DLGAP1: variants seen among roughly 807,000 people sequenced by gnomAD.
DLGAP1 encodes the protein disks large-associated protein 1.
Under a neutral mutation model 90.8 loss-of-function variants are expected in DLGAP1, and 11 were observed. That is an observed-to-expected ratio of 0.12 (90% CI 0.08 to 0.20). DLGAP1 has a LOEUF of 0.20. Ranked by LOEUF, DLGAP1 falls within the 10% of genes least tolerant of loss-of-function variation. The pLI is 1.00. For synonymous variants in DLGAP1, 558 were observed against 540.7 expected (o/e 1.03, Z -0.44); for missense variants, 1,050 against 1,333.8 (o/e 0.79, Z 3.31).
chr18:3,621,407 C>T (rs552009687), intron 7 of DLGAP1, among the ~76,000 whole-genome samples: 2 of 152,246 alleles, frequency 1.3e-5, no homozygotes, highest in African/African-American at 4.8e-5. Flanking sequence ...TCAAGTTTAG[C>T]CTAAAGTGGC....
At chr18:4,255,451 T>A (rs1290746971) in intron 1 of DLGAP1, among the ~76,000 whole-genome samples, 1 of 151,334 alleles carries the variant, frequency 6.6e-6, no homozygotes, top group Non-Finnish European at 1.5e-5. Context: ...ACTCTATGTA[T>A]ATACAGCCAA....
intron 3 of DLGAP1, among the ~76,000 whole-genome samples, chr18:3,901,839 A>C (rs1016618231): frequency 1.3e-5 from 2 of 152,204 alleles, no homozygotes; most frequent in African/African-American, 4.8e-5. Context: ...ATAATTCCCA[A>C]GTGAAAATGA....
At chr18:3,876,592 A>T (rs2071011330) in intron 4 of DLGAP1, among the ~76,000 whole-genome samples, 1 of 152,234 alleles carries the variant, frequency 6.6e-6, no homozygotes, top group Admixed American at 6.5e-5. Flanking sequence ...CTTTGGTGTC[A>T]AAGACAGATG....
In DLGAP1 at chr18:3,938,446, C is replaced by T. The variant is rs149518970; in HGVS notation, c.-72-58306G>A. ...GAGACTTAGATGTATGAGAGTGCGA[C>T]GCATGTAGAAATCTGGGAAAGGGCA... is the stretch of plus-strand genomic sequence containing the variant. On this transcript the variant is annotated intron_variant, in intron 3 of 12. Coordinates refer to ENST00000315677, the MANE Select transcript of DLGAP1 (RefSeq NM_004746.4). 5.6e-4 allele frequency among the ~76,000 whole-genome samples: 85 copies of T among 152,144 alleles called. No homozygotes were observed. The East Asian group carries it at 5.6e-3, about 10-fold the overall frequency.
chr18:4,144,285 C>G (rs562243752), intron 2 of DLGAP1, among the ~76,000 whole-genome samples: 3 of 152,300 alleles, frequency 2.0e-5, no homozygotes, highest in Admixed American at 2.0e-4. Context: ...AGAGTTCTGA[C>G]TGCTGGGACA....
At position 4,451,896 on chromosome 18, in the gene DLGAP1, A is replaced by C. The variant is rs563373787; in HGVS notation, c.-267+3110T>G. Among the ~76,000 whole-genome samples, 8 of 152,332 alleles carry C rather than the reference A, an allele frequency of 5.3e-5. No homozygotes were observed. The South Asian group carries it at 1.0e-3, about 20-fold the overall frequency. ...CAACATACCACAGACATAGGCATAGATTATAACTATGAGAAGTGAGGATTG... is the reference window on the plus strand; with the variant it reads ...CAACATACCACAGACATAGGCATAGCTTATAACTATGAGAAGTGAGGATTG... On this transcript the variant is annotated intron_variant, in intron 1 of 12. Transcript: ENST00000315677.
At chr18:3,924,523 T>C (rs11081075) in intron 3 of DLGAP1, among the ~76,000 whole-genome samples, 35,636 of 152,128 alleles carry the variant, frequency 0.23, 5,048 homozygotes, top group East Asian at 0.44. Context: ...ATCTCAAGTT[T>C]TGGGGGAAAA....
At chr18:4,393,889 C>T (rs143018851) in intron 1 of DLGAP1, among the ~76,000 whole-genome samples, 11 of 152,298 alleles carry the variant, frequency 7.2e-5, no homozygotes, top group African/African-American at 2.4e-4. Context: ...AGGGTTTGCG[C>T]TCCTGTGAGA....
chr18:3,936,742 C>T (rs1034933210), intron 3 of DLGAP1, among the ~76,000 whole-genome samples: 1 of 152,188 alleles, frequency 6.6e-6, no homozygotes, highest in South Asian at 2.1e-4. Context: ...AAAGGTTCCT[C>T]CAGTACCTCA....
chr18:3,659,470 T>A (rs1031874563), intron 7 of DLGAP1, among the ~76,000 whole-genome samples: 1 of 105,304 alleles, frequency 9.5e-6, no homozygotes, highest in African/African-American at 4.8e-5. Flanking sequence ...CACCCCCGGT[T>A]TCTTTTTCAT....
At chr18:3,926,490 TATATAA>T (rs1362324987) in intron 3 of DLGAP1, among the ~76,000 whole-genome samples, 10 of 101,672 alleles carry the variant, frequency 9.8e-5, no homozygotes, top group Admixed American at 2.0e-4. Context: ...TATTTATATG[TATATAA>T]ATATATATGC....
At chr18:4,111,365 G>A (rs1001672490) in intron 2 of DLGAP1, among the ~76,000 whole-genome samples, 2 of 152,034 alleles carry the variant, frequency 1.3e-5, no homozygotes, top group East Asian at 3.9e-4. Flanking sequence ...TTAGTCTGCA[G>A]AGTTTTGTTG....
chr18:4,364,686 G>A (rs2081720376), intron 1 of DLGAP1, among the ~76,000 whole-genome samples: 2 of 152,010 alleles, frequency 1.3e-5, no homozygotes, highest in Admixed American at 6.6e-5. Flanking sequence ...GTTACTTCAT[G>A]TCTTCTGCTA....
intron 1 of DLGAP1, among the ~76,000 whole-genome samples, chr18:4,191,018 A>T (rs887638670): frequency 3.3e-5 from 5 of 152,152 alleles, no homozygotes; most frequent in African/African-American, 1.2e-4. Flanking sequence ...TTAATTTAGA[A>T]AGAGAAAGTA....
At chr18:3,958,370 G>A (rs991124617) in intron 3 of DLGAP1, among the ~76,000 whole-genome samples, 1 of 151,494 alleles carries the variant, frequency 6.6e-6, no homozygotes, top group South Asian at 2.1e-4. Context: ...GCATGATAAG[G>A]AGGTAGAAGA....
At chr18:3,888,405 T>C (rs1335796793) in intron 3 of DLGAP1, among the ~76,000 whole-genome samples, 1 of 152,228 alleles carries the variant, frequency 6.6e-6, no homozygotes, top group South Asian at 2.1e-4. Context: ...ATTTTATAGA[T>C]GCAGAATGTA....
chr18:4,272,729 TTGTA>T (rs1481613091), intron 1 of DLGAP1, among the ~76,000 whole-genome samples: 1 of 152,208 alleles, frequency 6.6e-6, no homozygotes, highest in Non-Finnish European at 1.5e-5. Context: ...GTGGCCTACA[TTGTA>T]TGCCCTCAAA....
intron 3 of DLGAP1, among the ~76,000 whole-genome samples, chr18:3,891,293 A>G (rs1334367453): frequency 6.6e-6 from 1 of 152,104 alleles, no homozygotes; most frequent in East Asian, 1.9e-4. Context: ...TAGCCCCCTC[A>G]GGTCCCTTGC....
chr18:3,533,128 C>T (rs1416218221), intron 10 of DLGAP1, among the ~76,000 whole-genome samples: 1 of 152,022 alleles, frequency 6.6e-6, no homozygotes, highest in African/African-American at 2.4e-5. Context: ...CCCGTCTCTA[C>T]CAAAAATACA....
Sources: gnomAD v4.1 joint callset for allele counts (sites outside exome capture counted in the v4.1 genomes callset) on GRCh38, gnomAD v4.1.1 for gene constraint, MANE v1.5 for transcripts, NCBI Gene and HGNC (gene_info 2026-07-23, HGNC 2026-07-21) for gene names.